DMD: variants seen among roughly 807,000 people sequenced by gnomAD.
DMD encodes mutant dystrophin.
DMD carries 63 observed loss-of-function variants against 330.1 expected under a neutral mutation model. The ratio of observed to expected loss-of-function variants is 0.19; its 90% confidence interval spans 0.16 to 0.24. The LOEUF is 0.24. DMD is among the 10% of genes least tolerant of loss of function. DMD has a pLI of 1.00. For missense variants in DMD, 3,344 were observed against 2,684.1 expected (o/e 1.25, Z -5.43); for synonymous variants, 1,223 against 959.8 (o/e 1.27, Z -5.07).
intron 49 of DMD, 70 bp from the exon 50 acceptor site, chrX:31,820,153 C>T: frequency 1.1e-6 from 1 of 875,412 alleles, no homozygotes; most frequent in African/African-American, 1.9e-5. Context: ...ACATCTTAAT[C>T]CATTTGGTGA....
chrX:32,345,064 A>C (rs1350239873), intron 39 of DMD, among the ~76,000 whole-genome samples: 1 of 111,010 alleles, frequency 9.0e-6, no homozygotes, highest in Admixed American at 9.6e-5. Context: ...TTATTCTCTT[A>C]TTTGCATGTA....
rs1309139706 is a variant in DMD at position 32,673,588 on chromosome X, A to G, written c.960+24282T>C. On this transcript the variant is annotated intron_variant, in intron 9 of 78. Transcript: ENST00000357033. ...CCAAATCGAATGTTTGTATGAACAG[A>G]GACAGGAGAGGCAGAATGTAAGACT... Among the ~76,000 whole-genome samples the G allele has an allele frequency of 1.8e-5, 2 of 112,162 alleles. 1 individual carries two copies. The highest frequency in any genetic ancestry group is 6.5e-5 in the African/African-American group (2 of 30,914).
At chrX:32,227,898 C>T (rs184913915) in intron 43 of DMD, among the ~76,000 whole-genome samples, 72 of 110,547 alleles carry the variant, frequency 6.5e-4, no homozygotes, top group Non-Finnish European at 1.2e-3. Flanking sequence ...TGGAGGAGGA[C>T]GCTGTAACAG....
At chrX:31,267,011 C>A (rs993245610) in intron 62 of DMD, 18 of 653,059 alleles carry the variant, frequency 2.8e-5, no homozygotes, top group Non-Finnish European at 3.8e-5. Context: ...CGGGGCGGGG[C>A]CGTGTCGGGC....
chrX:31,341,429 G>A (rs1013202745), intron 61 of DMD, among the ~76,000 whole-genome samples: 2 of 111,691 alleles, frequency 1.8e-5, no homozygotes, highest in Admixed American at 9.6e-5. Context: ...AGCATAAAGT[G>A]TCTGAGTCAA....
intron 9 of DMD, among the ~76,000 whole-genome samples, chrX:32,646,321 C>G (rs2059780860): frequency 9.0e-6 from 1 of 111,169 alleles, no homozygotes; most frequent in African/African-American, 3.3e-5. Flanking sequence ...GAGTGTACTC[C>G]TTGCAGGTCG....
intron 55 of DMD, among the ~76,000 whole-genome samples, chrX:31,557,585 A>G (rs1242761980): frequency 1.8e-5 from 2 of 112,239 alleles, no homozygotes; most frequent in East Asian, 5.6e-4. Flanking sequence ...CCTTAAATCT[A>G]GCAATTAGTA....
chrX:31,801,622 G>T (rs2092072384), intron 50 of DMD, among the ~76,000 whole-genome samples: 1 of 96,922 alleles, frequency 1.0e-5, no homozygotes, highest in African/African-American at 3.9e-5. Flanking sequence ...TATTTCTTGT[G>T]CTAGATGTAT....
intron 48 of DMD, among the ~76,000 whole-genome samples, chrX:31,858,083 C>A (rs2996020): frequency 0.037 from 3,706 of 99,627 alleles, 71 homozygotes; most frequent in Non-Finnish European, 0.056. Flanking sequence ...ATAGTAACAT[C>A]AGCTAACTTT....
At chrX:33,030,427 T>C (rs1331667134) in intron 1 of DMD, among the ~76,000 whole-genome samples, 1 of 112,200 alleles carries the variant, frequency 8.9e-6, no homozygotes. Flanking sequence ...ATGGAAATAA[T>C]GGATATTTCT....
intron 7 of DMD, among the ~76,000 whole-genome samples, chrX:32,748,146 C>T (rs2070302175): frequency 9.1e-6 from 1 of 109,623 alleles, no homozygotes; most frequent in Non-Finnish European, 1.9e-5. Flanking sequence ...AGTACGAGAC[C>T]AGCCTGGCCA....
At chrX:31,886,343 A>T (rs16989908) in intron 47 of DMD, among the ~76,000 whole-genome samples, 2,713 of 111,726 alleles carry the variant, frequency 0.024, 85 homozygotes, top group African/African-American at 0.083. Flanking sequence ...AATGACTTAC[A>T]TTCATAGCAG....
At chrX:31,389,057 T>C (rs1216647614) in intron 60 of DMD, among the ~76,000 whole-genome samples, 1 of 112,591 alleles carries the variant, frequency 8.9e-6, no homozygotes, top group Non-Finnish European at 1.9e-5. Flanking sequence ...CTTCTTTTAC[T>C]AGGAAATTAG....
rs185857651 is a variant in DMD, at chrX:31,723,097, T to C, written c.7660+6534A>G. Among the ~76,000 whole-genome samples, 265 of 106,823 alleles carry C rather than the reference T, an allele frequency of 2.5e-3. 2 individuals carry two copies. Among genetic ancestry groups the C allele is most frequent in the African/African-American group, 8.7e-3 (255 of 29,334 alleles). 92.8% of individuals were successfully genotyped at this position (106,823 alleles called of 115,157 possible). ...TGTCTAAATGCTTCTATATTGTAAG[T>C]TGGCAGGGTTGGGGGTTGTGTGGGG... On this transcript the variant is annotated intron_variant, in intron 52 of 78. Transcript: ENST00000357033.
chrX:32,804,790 C>G (rs996661121), intron 7 of DMD, among the ~76,000 whole-genome samples: 16 of 112,316 alleles, frequency 1.4e-4, no homozygotes, highest in Admixed American at 8.5e-4. Flanking sequence ...AGGCAGCAAT[C>G]TTTGCTGTTC....
At chrX:32,874,303 A>G (rs775469150) in intron 2 of DMD, among the ~76,000 whole-genome samples, 10 of 112,245 alleles carry the variant, frequency 8.9e-5, no homozygotes, top group African/African-American at 2.9e-4. Flanking sequence ...AAGTTTTCTG[A>G]TATTCTCTAT....
intron 34 of DMD, among the ~76,000 whole-genome samples, chrX:32,377,422 C>A (rs1458401104): frequency 9.0e-6 from 1 of 111,663 alleles, no homozygotes; most frequent in Non-Finnish European, 1.9e-5. Flanking sequence ...GGTGAGTTTT[C>A]TTTCTTCAAT....
chrX:32,922,741 GC>G (rs759712654), intron 2 of DMD, among the ~76,000 whole-genome samples: 1 of 112,018 alleles, frequency 8.9e-6, no homozygotes, highest in Non-Finnish European at 1.9e-5. Context: ...TTGGTCTGGG[GC>G]CCAGGGTTTG....
chrX:32,678,232 A>G (rs1411883387), intron 9 of DMD, among the ~76,000 whole-genome samples: 1 of 112,550 alleles, frequency 8.9e-6, no homozygotes, highest in African/African-American at 3.2e-5. Flanking sequence ...TGGTTATTTG[A>G]TAAATCTGTT....
Sources: allele counts gnomAD v4.1 joint callset (sites outside exome capture counted in the v4.1 genomes callset), GRCh38; gene constraint gnomAD v4.1.1; transcripts MANE v1.5; gene names NCBI Gene and HGNC (gene_info 2026-07-23, HGNC 2026-07-21).